ARL17B: variants seen among roughly 807,000 people sequenced by gnomAD.
ARL17B encodes the protein ARF like GTPase 17B, also known as ADP-ribosylation factor-like protein 17.
intron 4 of ARL17B, among the ~76,000 whole-genome samples, chr17:46,287,463 A>C (rs2732613): frequency 0.14 from 21,420 of 151,564 alleles, 1,880 homozygotes; most frequent in Non-Finnish European, 0.21. Context: ...TTACACTACA[A>C]GGACCATGCA....
At chr17:46,278,104 G>A (rs1259679376) in intron 4 of ARL17B, among the ~76,000 whole-genome samples, 1 of 152,070 alleles carries the variant, frequency 6.6e-6, no homozygotes, top group African/African-American at 2.4e-5. Context: ...GCACCACCAT[G>A]CCTGGCTAAT....
chr17:46,287,756 A>C (rs76529920), intron 4 of ARL17B, among the ~76,000 whole-genome samples: 1 of 151,910 alleles, frequency 6.6e-6, no homozygotes, highest in African/African-American at 2.4e-5. Context: ...AAGGATGCAA[A>C]GATAGTTATC....
At chr17:46,319,212 A>AT (rs1225879085) in intron 3 of ARL17B, among the ~76,000 whole-genome samples, 4 of 1,640 alleles carry the variant, frequency 2.4e-3, no homozygotes, top group African/African-American at 7.5e-3. Flanking sequence ...ATTGTGGTCA[A>AT]TTTTTTTTTT....
chr17:46,288,696 C>CTTTTTTTTTTTT, intron 4 of ARL17B, among the ~76,000 whole-genome samples: 1 of 148,010 alleles, frequency 6.8e-6, no homozygotes, highest in Non-Finnish European at 1.5e-5. Flanking sequence ...TTTACTGCAT[C>CTTTTTTTTTTTT]TTGTTTTTTC....
chr17:46,286,236 C>T (rs8081198), intron 4 of ARL17B, among the ~76,000 whole-genome samples: 3,226 of 152,224 alleles, frequency 0.021, 111 homozygotes, highest in African/African-American at 0.071. Context: ...ATCGACATTC[C>T]AGTACATTAA....
chr17:46,350,580 G>A (rs1299534421), intron 3 of ARL17B, among the ~76,000 whole-genome samples: 276 of 89,394 alleles, frequency 3.1e-3, no homozygotes, highest in Middle Eastern at 9.3e-3. Context: ...AAAAAAGGGG[G>A]GGGGAGGCCA....
At chr17:46,279,476 A>C (rs1598064553) in intron 4 of ARL17B, among the ~76,000 whole-genome samples, 1 of 144,290 alleles carries the variant, frequency 6.9e-6, no homozygotes, top group Admixed American at 6.9e-5. Flanking sequence ...GAGCCACCGC[A>C]CCTGGCCTTT....
intron 4 of ARL17B, among the ~76,000 whole-genome samples, chr17:46,292,086 C>T (rs1482863419): frequency 7.0e-6 from 1 of 143,480 alleles, no homozygotes; most frequent in Non-Finnish European, 1.5e-5. Context: ...AATCCCAGCA[C>T]TTTGAGAGGC....
chr17:46,274,619 A>T (rs145317314), downstream of ARL17B, among the ~76,000 whole-genome samples: 404 of 152,350 alleles, frequency 2.7e-3, 3 homozygotes, highest in African/African-American at 9.3e-3. Flanking sequence ...ATTAGTTGAC[A>T]AATGAGGGCA....
chr17:46,281,571 A>G (rs2532319), intron 4 of ARL17B, among the ~76,000 whole-genome samples: 65,662 of 148,380 alleles, frequency 0.44, 10,428 homozygotes, highest in East Asian at 0.74. Context: ...CTAGGACTAC[A>G]GGTGCACGCC....
intron 4 of ARL17B, among the ~76,000 whole-genome samples, chr17:46,275,728 A>G (rs1196348511): frequency 1.3e-5 from 2 of 152,198 alleles, no homozygotes; most frequent in African/African-American, 4.8e-5. Context: ...AAGCATTACC[A>G]TTGTGGTGAA....
At chr17:46,275,307 T>C (rs1159797493) in exon 5 of ARL17B, 10 of 738,508 alleles carry the variant, frequency 1.4e-5, no homozygotes, top group Non-Finnish European at 1.9e-5. Context: ...ACTAAAAAGA[T>C]CTGGCTCCTT....
chr17:46,322,509 G>C, intron 3 of ARL17B: 1 of 1,027,124 alleles, frequency 9.7e-7, no homozygotes, highest in East Asian at 2.9e-5. Flanking sequence ...TTTTAACTGG[G>C]TTATTGAAAA....
chr17:46,314,491 C>T (rs1188018402), intron 3 of ARL17B, among the ~76,000 whole-genome samples: 1 of 81,104 alleles, frequency 1.2e-5, no homozygotes, highest in African/African-American at 3.2e-5. Flanking sequence ...CAGAGTGAGA[C>T]TCCAATGGAG....
chr17:46,278,615 G>T (rs538067159), intron 4 of ARL17B, among the ~76,000 whole-genome samples: 1 of 151,578 alleles, frequency 6.6e-6, no homozygotes, highest in Non-Finnish European at 1.5e-5. Context: ...TCTTGGCCAG[G>T]CTGGTCTCAA....
downstream of ARL17B, among the ~76,000 whole-genome samples, chr17:46,274,385 G>A (rs1359063754): frequency 2.0e-5 from 3 of 152,226 alleles, no homozygotes; most frequent in Non-Finnish European, 2.9e-5. Context: ...CTGTAGTCCA[G>A]GACCACTTAG....
At chr17:46,285,586 T>C (rs1391256368) in intron 4 of ARL17B, among the ~76,000 whole-genome samples, 1 of 152,212 alleles carries the variant, frequency 6.6e-6, no homozygotes. Flanking sequence ...AATCTAATCA[T>C]ACTGTTTCTC....
downstream of ARL17B, among the ~76,000 whole-genome samples, chr17:46,274,476 A>C (rs1305347326): frequency 6.6e-6 from 1 of 152,254 alleles, no homozygotes; most frequent in Non-Finnish European, 1.5e-5. Flanking sequence ...GTGTGTGCAC[A>C]TGTGTACATA....
chr17:46,274,864 GT>G (rs1366160523), exon 5 of ARL17B: 1 of 152,004 alleles, frequency 6.6e-6, no homozygotes, highest in African/African-American at 2.4e-5. Context: ...TAATGGTGTC[GT>G]TGACTTTTCT....
Sources: gnomAD v4.1 joint callset for allele counts (sites outside exome capture counted in the v4.1 genomes callset) on GRCh38, gnomAD v4.1.1 for gene constraint, MANE v1.5 for transcripts, NCBI Gene and HGNC (gene_info 2026-07-23, HGNC 2026-07-21) for gene names.